GPC3: variants seen among roughly 807,000 people sequenced by gnomAD.
GPC3 encodes glypican 3.
Under a neutral mutation model 34.4 loss-of-function variants are expected in GPC3, and 3 were observed. That is an observed-to-expected ratio of 0.09 (90% CI 0.04 to 0.23). The LOEUF (loss-of-function observed/expected upper bound fraction) is 0.23. Among genes scored for constraint, GPC3 ranks in the 10% least tolerant of loss-of-function variants. The pLI is 1.00. For synonymous variants in GPC3, 177 were observed against 174.0 expected, an observed-to-expected ratio of 1.02 and a Z score of -0.13; for missense variants, 351 against 445.6, an observed-to-expected ratio of 0.79 and a Z score of 1.91.
intron 5 of GPC3, among the ~76,000 whole-genome samples, chrX:133,685,273 A>G (rs1418777478): frequency 8.9e-6 from 1 of 111,734 alleles, no homozygotes; most frequent in Non-Finnish European, 1.9e-5. Context: ...GATTTTACAC[A>G]TCTCATGAAT....
chrX:133,790,012 G>C (rs943172853), intron 2 of GPC3, among the ~76,000 whole-genome samples: 24 of 111,850 alleles, frequency 2.1e-4, no homozygotes, highest in Admixed American at 2.0e-3. Flanking sequence ...GTGAATTGCA[G>C]GTTCCTCCCC....
At chrX:133,595,676 C>A (rs746730629) in intron 7 of GPC3, among the ~76,000 whole-genome samples, 2 of 110,697 alleles carry the variant, frequency 1.8e-5, no homozygotes, top group Non-Finnish European at 3.8e-5. Flanking sequence ...CCACCACACC[C>A]TGCTAATTTT....
At chrX:133,850,432 A>G (rs1303579497) in intron 2 of GPC3, among the ~76,000 whole-genome samples, 1 of 110,317 alleles carries the variant, frequency 9.1e-6, no homozygotes, top group Non-Finnish European at 1.9e-5. Context: ...ATTACTGCCA[A>G]ATTTCTGAGG....
chrX:133,773,095 C>T (rs2071939836), intron 2 of GPC3, among the ~76,000 whole-genome samples: 1 of 110,687 alleles, frequency 9.0e-6, no homozygotes, highest in Admixed American at 9.7e-5. Flanking sequence ...TTTCGCTCTT[C>T]TTGCCCAGGC....
At chrX:133,542,025 G>A (rs1260420795) in intron 7 of GPC3, among the ~76,000 whole-genome samples, 2 of 111,855 alleles carry the variant, frequency 1.8e-5, no homozygotes, top group Non-Finnish European at 1.9e-5. Context: ...GACATAGCCT[G>A]CTGCAGGCTG....
chrX:133,848,842 G>A (rs908193060), intron 2 of GPC3, among the ~76,000 whole-genome samples: 1 of 110,462 alleles, frequency 9.1e-6, no homozygotes, highest in East Asian at 2.8e-4. Context: ...AGAATATAGA[G>A]GTTTAGAGAA....
chrX:133,726,179 T>C (rs1209605660), intron 3 of GPC3, among the ~76,000 whole-genome samples: 2 of 111,811 alleles, frequency 1.8e-5, no homozygotes, highest in Non-Finnish European at 3.8e-5. Flanking sequence ...CGTCCTGCCA[T>C]CCTGCCAGAG....
At chrX:133,821,517 G>A (rs1327169731) in intron 2 of GPC3, among the ~76,000 whole-genome samples, 1 of 111,882 alleles carries the variant, frequency 8.9e-6, no homozygotes, top group African/African-American at 3.3e-5. Flanking sequence ...GTACTTGATA[G>A]AGGTAAGCTG....
chrX:133,890,418 A>G (rs889493317), intron 2 of GPC3, among the ~76,000 whole-genome samples: 3 of 110,991 alleles, frequency 2.7e-5, no homozygotes, highest in Non-Finnish European at 5.7e-5. Context: ...ATTGATGAAT[A>G]AATAGATAAA....
At chrX:133,881,315 A>G (rs1474148030) in intron 2 of GPC3, among the ~76,000 whole-genome samples, 1 of 111,873 alleles carries the variant, frequency 8.9e-6, no homozygotes, top group African/African-American at 3.2e-5. Context: ...GAGATACTTT[A>G]AATGAGAAAA....
At chrX:133,851,939 C>T (rs1220682145) in intron 2 of GPC3, among the ~76,000 whole-genome samples, 1 of 111,797 alleles carries the variant, frequency 8.9e-6, no homozygotes, top group Non-Finnish European at 1.9e-5. Context: ...CCAGAACATA[C>T]TACTGACTAA....
intron 3 of GPC3, among the ~76,000 whole-genome samples, chrX:133,714,750 A>G (rs2071298873): frequency 1.8e-5 from 2 of 112,003 alleles, no homozygotes; most frequent in Admixed American, 1.9e-4. Context: ...CTGGAATTTA[A>G]TAAAAGTATT....
intron 2 of GPC3, among the ~76,000 whole-genome samples, chrX:133,776,280 G>A (rs1406735047): frequency 9.0e-6 from 1 of 110,976 alleles, no homozygotes; most frequent in African/African-American, 3.3e-5. Context: ...CAAATGACTG[G>A]CGCCCCCTCC....
intron 3 of GPC3, among the ~76,000 whole-genome samples, chrX:133,752,642 G>A (rs957619390): frequency 3.6e-5 from 4 of 111,654 alleles, no homozygotes; most frequent in Admixed American, 2.9e-4. Context: ...CCGAGATTCC[G>A]TTACTAACAA....
At chrX:133,844,344 T>C (rs1217623758) in intron 2 of GPC3, among the ~76,000 whole-genome samples, 1 of 112,403 alleles carries the variant, frequency 8.9e-6, no homozygotes, top group African/African-American at 3.2e-5. Context: ...ATTAGCTTGA[T>C]TGTGATCATC....
intron 2 of GPC3, among the ~76,000 whole-genome samples, chrX:133,802,103 G>A (rs2075612862): frequency 3.6e-5 from 4 of 111,807 alleles, no homozygotes; most frequent in Non-Finnish European, 7.5e-5. Context: ...CCCAACATCA[G>A]AGTCAATACA....
intron 1 of GPC3, among the ~76,000 whole-genome samples, chrX:133,975,440 T>G (rs1394869687): frequency 8.9e-6 from 1 of 111,982 alleles, no homozygotes; most frequent in African/African-American, 3.3e-5. Flanking sequence ...CCCCTCTTTT[T>G]TTTTTGAGAC....
intron 2 of GPC3, among the ~76,000 whole-genome samples, chrX:133,846,677 A>C (rs973983883): frequency 2.7e-5 from 3 of 112,003 alleles, no homozygotes; most frequent in Non-Finnish European, 5.6e-5. Flanking sequence ...CCTAAAAAAA[A>C]GTAGTTCCTT....
chrX:133,670,379 AT>A (rs1357490053), intron 5 of GPC3, among the ~76,000 whole-genome samples: 1 of 108,770 alleles, frequency 9.2e-6, no homozygotes, highest in Non-Finnish European at 1.9e-5. Flanking sequence ...GATCTTGCTG[AT>A]TTTTGACACT....
Sources: gnomAD v4.1 joint callset for allele counts (sites outside exome capture counted in the v4.1 genomes callset) on GRCh38, gnomAD v4.1.1 for gene constraint, MANE v1.5 for transcripts, NCBI Gene and HGNC (gene_info 2026-07-23, HGNC 2026-07-21) for gene names.